HS6ST3: variants seen among roughly 807,000 people sequenced by gnomAD.
The protein encoded by HS6ST3 is heparan-sulfate 6-O-sulfotransferase 3.
In HS6ST3, 12 loss-of-function variants were observed where a neutral mutation model predicts 36.7. The ratio of observed to expected loss-of-function variants is 0.33; its 90% confidence interval spans 0.21 to 0.53. The LOEUF (loss-of-function observed/expected upper bound fraction) is 0.53, where lower values mean the gene tolerates loss of function less well. Among genes scored for constraint, HS6ST3 ranks in the 20% least tolerant of loss-of-function variants. The pLI is 0.95. For synonymous variants in HS6ST3, 240 were observed against 257.5 expected, an observed-to-expected ratio of 0.93 and a Z score of 0.65; for missense variants, 584 against 640.9, an observed-to-expected ratio of 0.91 and a Z score of 0.96.
intron 1 of HS6ST3, among the ~76,000 whole-genome samples, chr13:96,512,297 T>A (rs1225210991): frequency 8.5e-5 from 13 of 152,340 alleles, no homozygotes; most frequent in African/African-American, 3.1e-4. Context: ...GACTCTGGTA[T>A]ATTCTAAAAA....
At chr13:96,203,953 A>G (rs1442454383) in intron 1 of HS6ST3, among the ~76,000 whole-genome samples, 2 of 152,208 alleles carry the variant, frequency 1.3e-5, no homozygotes, top group South Asian at 2.1e-4. Context: ...AAAATATCAC[A>G]TATGATTATA....
At chr13:96,171,333 C>A (rs1236515572) in intron 1 of HS6ST3, among the ~76,000 whole-genome samples, 1 of 152,136 alleles carries the variant, frequency 6.6e-6, no homozygotes, top group Non-Finnish European at 1.5e-5. Flanking sequence ...AGTGGTTTCT[C>A]AGGTCAAAAT....
At chr13:96,336,522 A>G (rs551397874) in intron 1 of HS6ST3, among the ~76,000 whole-genome samples, 2 of 152,186 alleles carry the variant, frequency 1.3e-5, no homozygotes, top group African/African-American at 2.4e-5. Flanking sequence ...TGTCCATATT[A>G]GAGGAGGTGA....
chr13:96,102,110 T>C (rs1026575922), intron 1 of HS6ST3, among the ~76,000 whole-genome samples: 2 of 152,190 alleles, frequency 1.3e-5, no homozygotes, highest in African/African-American at 4.8e-5. Flanking sequence ...CCCACACAGC[T>C]TCCTTGAGTT....
At chr13:96,431,470 C>A (rs1272610245) in intron 1 of HS6ST3, among the ~76,000 whole-genome samples, 1 of 152,188 alleles carries the variant, frequency 6.6e-6, no homozygotes, top group African/African-American at 2.4e-5. Flanking sequence ...AGGCCCGTTA[C>A]TAAACCTCTC....
At chr13:96,749,725 C>T (rs565959686) in intron 1 of HS6ST3, among the ~76,000 whole-genome samples, 1 of 152,154 alleles carries the variant, frequency 6.6e-6, no homozygotes, top group South Asian at 2.1e-4. Flanking sequence ...CTTCTATGGT[C>T]ACTCATCTGC....
chr13:96,319,558 A>T (rs1442937524), intron 1 of HS6ST3, among the ~76,000 whole-genome samples: 1 of 152,172 alleles, frequency 6.6e-6, no homozygotes, highest in Non-Finnish European at 1.5e-5. Flanking sequence ...TAACTCTTTG[A>T]AAGACTGCAA....
intron 1 of HS6ST3, among the ~76,000 whole-genome samples, chr13:96,185,839 C>T (rs187796957): frequency 2.6e-5 from 4 of 152,172 alleles, no homozygotes; most frequent in Admixed American, 2.6e-4. Context: ...GGTGGTCATG[C>T]GTTTGGTAAT....
At chr13:96,746,641 T>G (rs1202909543) in intron 1 of HS6ST3, among the ~76,000 whole-genome samples, 1 of 152,106 alleles carries the variant, frequency 6.6e-6, no homozygotes, top group Non-Finnish European at 1.5e-5. Flanking sequence ...TATAAATGTT[T>G]GAGTCATGAA....
chr13:96,413,024 CTACTCCCAAGAG>C (rs1821392775), intron 1 of HS6ST3, among the ~76,000 whole-genome samples: 1 of 152,094 alleles, frequency 6.6e-6, no homozygotes, highest in South Asian at 2.1e-4. Flanking sequence ...TACTTTCTAT[CTACTCCCAAGAG>C]TAAAAATGGA....
chr13:96,409,766 AACTG>A (rs1486630246), intron 1 of HS6ST3, among the ~76,000 whole-genome samples: 22 of 152,324 alleles, frequency 1.4e-4, no homozygotes, highest in Middle Eastern at 3.4e-3. Context: ...CCAAGAAGTG[AACTG>A]ACTAATTCAA....
At chr13:96,607,383 C>T (rs74781773) in intron 1 of HS6ST3, among the ~76,000 whole-genome samples, 1,883 of 152,226 alleles carry the variant, frequency 0.012, 36 homozygotes, top group African/African-American at 0.043. Flanking sequence ...GCAAAGGACA[C>T]AAGAAAACTG....
chr13:96,458,404 G>C (rs909027566), intron 1 of HS6ST3, among the ~76,000 whole-genome samples: 1 of 152,074 alleles, frequency 6.6e-6, no homozygotes, highest in African/African-American at 2.4e-5. Context: ...ATCCAGAGAA[G>C]TTTTTCTTAG....
chr13:96,621,975 G>A (rs969457552), intron 1 of HS6ST3, among the ~76,000 whole-genome samples: 16 of 146,514 alleles, frequency 1.1e-4, no homozygotes, highest in African/African-American at 3.8e-4. Flanking sequence ...TGTTTGGATA[G>A]GCTCAAAGCA....
chr13:96,743,265 TAAAAG>T (rs1307149151), intron 1 of HS6ST3, among the ~76,000 whole-genome samples: 1 of 152,116 alleles, frequency 6.6e-6, no homozygotes, highest in Non-Finnish European at 1.5e-5. Flanking sequence ...AGGAGTTTCT[TAAAAG>T]AAAGTCATTC....
At chr13:96,114,667 A>G (rs2139302220) in intron 1 of HS6ST3, among the ~76,000 whole-genome samples, 2 of 152,314 alleles carry the variant, frequency 1.3e-5, no homozygotes, top group Admixed American at 1.3e-4. Flanking sequence ...GTGCTTAGAA[A>G]AGTGTCTGGT....
At chr13:96,812,164 G>A (rs193088556) in intron 1 of HS6ST3, among the ~76,000 whole-genome samples, 4 of 152,236 alleles carry the variant, frequency 2.6e-5, no homozygotes, top group African/African-American at 9.6e-5. Flanking sequence ...CACACAAGAT[G>A]TTTGTTTGTA....
intron 1 of HS6ST3, among the ~76,000 whole-genome samples, chr13:96,772,150 A>C (rs1877280864): frequency 6.6e-6 from 1 of 152,214 alleles, no homozygotes; most frequent in South Asian, 2.1e-4. Context: ...TTGGAAATCA[A>C]AGTGATACAT....
At chr13:96,757,767 A>T (rs570266524) in intron 1 of HS6ST3, among the ~76,000 whole-genome samples, 1 of 152,278 alleles carries the variant, frequency 6.6e-6, no homozygotes, top group East Asian at 1.9e-4. Flanking sequence ...ATAGTGAATT[A>T]CATTGATTGA....
Sources: allele counts gnomAD v4.1 joint callset (sites outside exome capture counted in the v4.1 genomes callset), GRCh38; gene constraint gnomAD v4.1.1; transcripts MANE v1.5; gene names NCBI Gene and HGNC (gene_info 2026-07-23, HGNC 2026-07-21).